Variants in ZNF385D observed in about 807,000 individuals in gnomAD.
ZNF385D encodes the protein zinc finger protein 659.
ZNF385D carries 15 observed loss-of-function variants against 35.8 expected under a neutral mutation model. That is an observed-to-expected ratio of 0.42 (90% CI 0.28 to 0.64). The LOEUF (loss-of-function observed/expected upper bound fraction) is 0.64, where lower values mean the gene tolerates loss of function less well. Among genes scored for constraint, ZNF385D ranks in the 30% least tolerant of loss-of-function variants. The pLI is 0.23. For missense variants in ZNF385D, 474 were observed against 494.6 expected (o/e 0.96, Z 0.39); for synonymous variants, 212 against 186.8 (o/e 1.13, Z -1.10).
chr3:22,339,791 C>T (rs930411882), intron 2 of ZNF385D, among the ~76,000 whole-genome samples: 17 of 152,164 alleles, frequency 1.1e-4, no homozygotes, highest in African/African-American at 3.9e-4. Flanking sequence ...CTAATCACCT[C>T]TTAAATGCCA....
chr3:21,724,208 T>C (rs964745764), intron 1 of ZNF385D, among the ~76,000 whole-genome samples: 1 of 151,878 alleles, frequency 6.6e-6, no homozygotes, highest in Non-Finnish European at 1.5e-5. Context: ...AACCAAATTG[T>C]AAAGACCATC....
intron 3 of ZNF385D, among the ~76,000 whole-genome samples, chr3:21,885,426 G>A (rs1698489955): frequency 6.6e-6 from 1 of 151,590 alleles, no homozygotes; most frequent in Admixed American, 6.6e-5. Context: ...AAAATTTGAT[G>A]AAAAAAATAG....
At chr3:22,287,773 T>C (rs991575797) in intron 2 of ZNF385D, among the ~76,000 whole-genome samples, 4 of 152,064 alleles carry the variant, frequency 2.6e-5, no homozygotes, top group African/African-American at 7.2e-5. Context: ...ATACTAGAAA[T>C]AAGGTTAACT....
chr3:21,425,056 C>T (rs1268638940), intron 6 of ZNF385D, among the ~76,000 whole-genome samples: 1 of 152,084 alleles, frequency 6.6e-6, no homozygotes, highest in Non-Finnish European at 1.5e-5. Flanking sequence ...TAATAAAACA[C>T]ATAAAATGAA....
chr3:21,972,217 A>C (rs1703301959), intron 3 of ZNF385D, among the ~76,000 whole-genome samples: 1 of 152,034 alleles, frequency 6.6e-6, no homozygotes, highest in Admixed American at 6.6e-5. Context: ...AAAGTCTTAA[A>C]AATTTCAAAA....
intron 3 of ZNF385D, among the ~76,000 whole-genome samples, chr3:22,123,758 G>A (rs571469185): frequency 2.6e-4 from 39 of 152,132 alleles, no homozygotes; most frequent in African/African-American, 8.9e-4. Context: ...CTACTCGGGA[G>A]GCCGAGGCAG....
intron 3 of ZNF385D, among the ~76,000 whole-genome samples, chr3:21,561,093 G>C (rs1281282042): frequency 6.6e-5 from 10 of 152,172 alleles, no homozygotes; most frequent in Non-Finnish European, 1.2e-4. Context: ...CTGAGGGGGT[G>C]GGACCCCCGA....
intron 2 of ZNF385D, among the ~76,000 whole-genome samples, chr3:22,337,981 A>G (rs891872091): frequency 1.6e-4 from 25 of 152,326 alleles, no homozygotes; most frequent in Middle Eastern, 3.4e-3. Context: ...CAAATTCTAC[A>G]TATGGGGTTT....
intron 3 of ZNF385D, among the ~76,000 whole-genome samples, chr3:21,555,475 G>C (rs2125612663): frequency 6.6e-6 from 1 of 152,160 alleles, no homozygotes; most frequent in Non-Finnish European, 1.5e-5. Flanking sequence ...GTGGTTTTCT[G>C]TTCTTCTGTT....
chr3:21,631,038 T>C (rs2065266686), intron 2 of ZNF385D, among the ~76,000 whole-genome samples: 1 of 152,162 alleles, frequency 6.6e-6, no homozygotes, highest in South Asian at 2.1e-4. Context: ...GGGAATGTTC[T>C]AAAAGGATAT....
chr3:21,946,032 A>G (rs1016069062), intron 3 of ZNF385D, among the ~76,000 whole-genome samples: 1 of 152,200 alleles, frequency 6.6e-6, no homozygotes, highest in Non-Finnish European at 1.5e-5. Flanking sequence ...GCATATTCAC[A>G]TGGCAAACTA....
At chr3:21,597,451 G>A (rs549820983) in intron 2 of ZNF385D, among the ~76,000 whole-genome samples, 1 of 152,118 alleles carries the variant, frequency 6.6e-6, no homozygotes. Flanking sequence ...TGGACACCCA[G>A]TATTGGTAAC....
intron 3 of ZNF385D, among the ~76,000 whole-genome samples, chr3:21,876,791 C>T (rs1056816822): frequency 1.3e-5 from 2 of 151,836 alleles, no homozygotes; most frequent in African/African-American, 4.8e-5. Flanking sequence ...GTGAAAATAA[C>T]ATTCTGTACA....
rs2125325708 is a variant in ZNF385D, at chr3:21,465,740, T to C, written c.440-28537A>G. Among the ~76,000 whole-genome samples the C allele has an allele frequency of 6.6e-6, 1 of 152,362 alleles. No homozygotes were observed. The highest frequency in any genetic ancestry group is 1.9e-4 in the East Asian group (1 of 5,182). On this transcript the variant is annotated intron_variant, in intron 4 of 7. Transcript: ENST00000281523. This position sits in a 1 kb window ranked among gnomAD's most constrained non-coding sequence, Gnocchi z 4.2. Reference sequence around the variant, plus strand: ...ATTTACAACATTTCTATAATTTGTTTCTTTATCACCCATTTTATGTTTGTA... The same window carrying C: ...ATTTACAACATTTCTATAATTTGTTCCTTTATCACCCATTTTATGTTTGTA...
intron 2 of ZNF385D, among the ~76,000 whole-genome samples, chr3:22,249,960 A>T (rs1224536340): frequency 6.6e-6 from 1 of 152,136 alleles, no homozygotes; most frequent in East Asian, 1.9e-4. Flanking sequence ...TTTCTCAGGG[A>T]GATATTATCA....
intron 2 of ZNF385D, among the ~76,000 whole-genome samples, chr3:22,172,680 G>A (rs936375905): frequency 1.3e-5 from 2 of 152,044 alleles, no homozygotes; most frequent in Non-Finnish European, 2.9e-5. Flanking sequence ...AAAAAACTCC[G>A]AAGAAACAAA....
At chr3:22,002,188 T>C (rs1373671664) in intron 3 of ZNF385D, among the ~76,000 whole-genome samples, 1 of 151,364 alleles carries the variant, frequency 6.6e-6, no homozygotes, top group African/African-American at 2.4e-5. Context: ...ATAAAATTAA[T>C]GCACTATTAG....
At chr3:21,486,929 C>A (rs115368086) in intron 4 of ZNF385D, among the ~76,000 whole-genome samples, 17 of 152,042 alleles carry the variant, frequency 1.1e-4, no homozygotes, top group Middle Eastern at 3.4e-3. Flanking sequence ...TAGCTATGAA[C>A]AAGATACATA....
upstream of ZNF385D, among the ~76,000 whole-genome samples, chr3:21,753,773 G>A (rs1011404556): frequency 1.8e-5 from 2 of 108,844 alleles, no homozygotes; most frequent in African/African-American, 7.0e-5. Context: ...GGTGGTTGTT[G>A]TTGTTGTTGT....
Sources: allele counts gnomAD v4.1 joint callset (sites outside exome capture counted in the v4.1 genomes callset), GRCh38; gene constraint gnomAD v4.1.1; non-coding constraint Gnocchi (gnomAD v3.1); transcripts MANE v1.5; gene names NCBI Gene and HGNC (gene_info 2026-07-23, HGNC 2026-07-21).